Variants in CRPPA observed in about 807,000 individuals in gnomAD.
The protein encoded by CRPPA is D-ribitol-5-phosphate cytidylyltransferase.
A neutral mutation model predicts 52.0 loss-of-function variants in CRPPA; 43 were observed. The ratio of observed to expected loss-of-function variants is 0.83; its 90% CI spans 0.65 to 1.07. The LOEUF (loss-of-function observed/expected upper bound fraction) is 1.07, where lower values mean the gene tolerates loss of function less well. Ranked by LOEUF, CRPPA falls within the 50% of genes least tolerant of loss-of-function variation. The probability of loss-of-function intolerance (pLI) is 0.00; values close to 1 mark genes in which losing one functional copy is unlikely to be tolerated. For synonymous variants in CRPPA, 250 were observed against 203.5 expected, an observed-to-expected ratio of 1.23 and a Z score of -1.94; for missense variants, 629 against 551.7, an observed-to-expected ratio of 1.14 and a Z score of -1.40.
chr7:16,155,337 C>T (rs1783157650), intron 9 of CRPPA, among the ~76,000 whole-genome samples: 4 of 152,196 alleles, frequency 2.6e-5, no homozygotes, highest in Admixed American at 1.3e-4. Flanking sequence ...GAACAGGCTA[C>T]ACACTGGTTC....
At chr7:16,406,428 T>C in intron 1 of CRPPA, 91 bp from the exon 2 acceptor site, 2 of 1,107,720 alleles carry the variant, frequency 1.8e-6, no homozygotes, top group Middle Eastern at 2.3e-4. Flanking sequence ...TTGGTATATT[T>C]AAATAGGGAG....
At chr7:16,272,542 A>G (rs1256779562) in intron 6 of CRPPA, among the ~76,000 whole-genome samples, 4 of 152,166 alleles carry the variant, frequency 2.6e-5, no homozygotes, top group Admixed American at 6.5e-5. Flanking sequence ...CATTCCTTTC[A>G]AAGTAGGATG....
At chr7:16,215,072 G>A (rs1782267584) in intron 9 of CRPPA, among the ~76,000 whole-genome samples, 1 of 152,122 alleles carries the variant, frequency 6.6e-6, no homozygotes, top group Non-Finnish European at 1.5e-5. Context: ...GCTAAAAGAT[G>A]GTCCTTATAT....
intron 9 of CRPPA, among the ~76,000 whole-genome samples, chr7:16,193,808 T>G (rs748564717): frequency 4.6e-5 from 7 of 152,098 alleles, no homozygotes; most frequent in African/African-American, 1.4e-4. Context: ...AACTCCTCCG[T>G]GCGCTTATCC....
intron 9 of CRPPA, among the ~76,000 whole-genome samples, chr7:16,207,838 T>A: frequency 6.6e-6 from 1 of 152,216 alleles, no homozygotes; most frequent in Non-Finnish European, 1.5e-5. Flanking sequence ...TAAATAGTTA[T>A]AGGAAATCAG....
intron 9 of CRPPA, among the ~76,000 whole-genome samples, chr7:16,125,614 A>AC (rs1583374197): frequency 6.6e-6 from 1 of 151,996 alleles, no homozygotes; most frequent in East Asian, 1.9e-4. Flanking sequence ...ATAGTAATGG[A>AC]CCCCCCTCGT....
At chr7:16,254,815 AAGAAAGAAAGAAAGAAAGAAAGAAAG>A (rs1266857336) in intron 8 of CRPPA, among the ~76,000 whole-genome samples, 12 of 148,160 alleles carry the variant, frequency 8.1e-5, no homozygotes, top group South Asian at 4.3e-4. Context: ...GAAAGAAAGA[AAGAAAGAAAGAAAGAAAGAAAGAAAG>A]AAAGAGAAAG....
At chr7:16,220,645 C>T (rs1182057241) in intron 8 of CRPPA, among the ~76,000 whole-genome samples, 1 of 140,178 alleles carries the variant, frequency 7.1e-6, no homozygotes, top group Non-Finnish European at 1.6e-5. Flanking sequence ...TCTTATACAC[C>T]AATAACAGAC....
At position 16,381,969 on chromosome 7, in the gene CRPPA, C is replaced by T. The variant is rs566153116; in HGVS notation, c.535-5728G>A. ...CAATTTGCCAGTCTGTGTCTTTTAACTGGAGCATTTAGTCCATTTACATTT... is the reference window on the plus strand; with the variant it reads ...CAATTTGCCAGTCTGTGTCTTTTAATTGGAGCATTTAGTCCATTTACATTT... On this transcript the variant is annotated intron_variant, in intron 2 of 9. Transcript: ENST00000407010. Among the ~76,000 whole-genome samples the T allele has an allele frequency of 2.9e-3, 447 of 152,086 alleles. 4 individuals are homozygous for T. The highest frequency in any genetic ancestry group is 0.01 in the African/African-American group (415 of 41,418).
At chr7:16,368,059 G>T (rs932231375) in intron 3 of CRPPA, among the ~76,000 whole-genome samples, 6 of 152,066 alleles carry the variant, frequency 3.9e-5, no homozygotes, top group South Asian at 2.1e-4. Flanking sequence ...TCAAGGCCAG[G>T]TCTCTGAACA....
At chr7:16,234,179 C>A (rs551855837) in intron 8 of CRPPA, among the ~76,000 whole-genome samples, 1 of 152,010 alleles carries the variant, frequency 6.6e-6, no homozygotes, top group African/African-American at 2.4e-5. Context: ...AATATAGTAG[C>A]GATCCATTTA....
intron 9 of CRPPA, among the ~76,000 whole-genome samples, chr7:16,111,224 TAAGATATC>T (rs1782257696): frequency 6.6e-6 from 1 of 152,036 alleles, no homozygotes; most frequent in Non-Finnish European, 1.5e-5. Context: ...TAACCTACAA[TAAGATATC>T]ATCTCACACC....
intron 9 of CRPPA, among the ~76,000 whole-genome samples, chr7:16,167,720 ATTTCT>A (rs1271307328): frequency 6.6e-6 from 1 of 152,178 alleles, no homozygotes; most frequent in Non-Finnish European, 1.5e-5. Flanking sequence ...GACTTCTTTG[ATTTCT>A]TTGAATGTAT....
intron 2 of CRPPA, among the ~76,000 whole-genome samples, chr7:16,397,445 A>G (rs4351323): frequency 0.17 from 26,532 of 152,240 alleles, 3,457 homozygotes; most frequent in African/African-American, 0.35. Flanking sequence ...GTGTGATGTA[A>G]CAGACGTGAC....
intron 5 of CRPPA, among the ~76,000 whole-genome samples, chr7:16,279,954 G>A (rs1239247555): frequency 2.0e-5 from 3 of 152,224 alleles, no homozygotes; most frequent in African/African-American, 7.2e-5. Context: ...GGCAGAAGGT[G>A]AAAGGCACAT....
intron 9 of CRPPA, among the ~76,000 whole-genome samples, chr7:16,125,034 C>T (rs1318887576): frequency 6.6e-6 from 1 of 151,374 alleles, no homozygotes; most frequent in African/African-American, 2.4e-5. Flanking sequence ...CAGAGGTGGG[C>T]AGATCACCTG....
intron 9 of CRPPA, among the ~76,000 whole-genome samples, chr7:16,206,127 T>C (rs1527219): frequency 0.42 from 63,060 of 151,782 alleles, 13,266 homozygotes; most frequent in African/African-American, 0.46. Context: ...CATTAAAAAA[T>C]TGTATGTGGC....
At chr7:16,212,501 T>C (rs1384625721) in intron 9 of CRPPA, among the ~76,000 whole-genome samples, 1 of 152,164 alleles carries the variant, frequency 6.6e-6, no homozygotes, top group East Asian at 1.9e-4. Context: ...AAAAGAACAG[T>C]TCCCTCTCTG....
At position 16,332,935 on chromosome 7, in the gene CRPPA, A is replaced by G. The variant is rs187477657; in HGVS notation, c.685-24308T>C. Among the ~76,000 whole-genome samples, 324 of 151,228 alleles carry G rather than the reference A, an allele frequency of 2.1e-3. 1 individual carries two copies. Among genetic ancestry groups the G allele is most frequent in the African/African-American group, 7.6e-3 (312 of 41,278 alleles). ...CACAGAGGTGAAAGTAAATGGACGG[A>G]AAAAAAAACCACGCTAACATTATCA... is the stretch of plus-strand genomic sequence containing the variant. On this transcript the variant is annotated intron_variant, in intron 3 of 9. Coordinates refer to ENST00000407010, the MANE Select transcript of CRPPA (RefSeq NM_001101426.4).
Sources: allele counts gnomAD v4.1 joint callset (sites outside exome capture counted in the v4.1 genomes callset), GRCh38; gene constraint gnomAD v4.1.1; transcripts MANE v1.5; gene names NCBI Gene and HGNC (gene_info 2026-07-23, HGNC 2026-07-21).